Variants in TNRC18 observed in about 807,000 individuals in gnomAD.
The protein encoded by TNRC18 is trinucleotide repeat containing 18.
TNRC18 carries 69 observed loss-of-function variants against 226.7 expected under a neutral mutation model. That is an observed-to-expected ratio of 0.30 (90% CI 0.25 to 0.37). The LOEUF (loss-of-function observed/expected upper bound fraction) is 0.37, where lower values mean the gene tolerates loss of function less well. Ranked by LOEUF, TNRC18 falls within the 10% of genes least tolerant of loss-of-function variation. The pLI, the probability that TNRC18 is intolerant of heterozygous loss-of-function variation, is 1.00. For missense variants in TNRC18, 4,754 were observed against 4,256.6 expected (o/e 1.12, Z -3.25); for synonymous variants, 2,449 against 1,927.6 (o/e 1.27, Z -7.09).
chr7:5,353,154 T>C (rs1409151970), intron 16 of TNRC18, among the ~76,000 whole-genome samples: 1 of 152,180 alleles, frequency 6.6e-6, no homozygotes, highest in Non-Finnish European at 1.5e-5. Flanking sequence ...AAGTGCGCTC[T>C]CTCTTGTATG....
intron 18 of TNRC18, among the ~76,000 whole-genome samples, chr7:5,339,860 A>G (rs1790514459): frequency 1.3e-5 from 2 of 151,310 alleles, no homozygotes; most frequent in Non-Finnish European, 2.9e-5. Context: ...ATGAGCCACC[A>G]CACCCGGCTG....
In TNRC18 at chr7:5,377,239, G is replaced by A. The variant is rs929353503; in HGVS notation, c.2461+132C>T. The A allele has an allele frequency of 3.6e-5, 41 of 1,141,262 alleles. No homozygotes were observed. The highest frequency in any genetic ancestry group is 2.7e-4 in the African/African-American group (17 of 63,528). 70.7% of individuals were successfully genotyped at this position (1,141,262 alleles called of 1,614,324 possible). On this transcript the variant is annotated intron_variant, in intron 7 of 29. Coordinates refer to ENST00000430969, the MANE Select transcript of TNRC18 (RefSeq NM_001080495.3). The surrounding 1 kb of genome is among the most constrained non-coding windows in gnomAD (Gnocchi z 5.8). ...AGAGGCCATTATCATTCCTTCTTCC[G>A]ACGAATGCGGGAGGCAGGCCCAGGC...
chr7:5,391,398 A>G (rs1031430646), intron 3 of TNRC18, among the ~76,000 whole-genome samples: 2 of 150,028 alleles, frequency 1.3e-5, no homozygotes, highest in Non-Finnish European at 3.0e-5. Context: ...TGCAACCTCC[A>G]CCTCCTTAGT....
rs774293149 is a variant in TNRC18, at chr7:5,371,351, C to A, written c.3243G>T (p.Arg1081Ser). ...GCGGTGGCAGGGCTTGGAACGGGTA[C>A]CTGGGCGGGATATCTGCCAAGGACA... Reference protein sequence around the residue: ...FQALFSDIPPRYPFQALPPHY... With the variant: ...FQALFSDIPPSYPFQALPPHY... The change falls in exon 11 of 30, where the codon AGG becomes AGT. Residue 1081 changes from arginine (R) to serine (S), a missense_variant. Physicochemically the swap from Arg to Ser is moderately radical, Grantham distance 110. Transcript: ENST00000430969. 2 of 1,511,144 alleles carry A rather than the reference C, an allele frequency of 1.3e-6. No individual in the cohort carries two copies. Among genetic ancestry groups the A allele is most frequent in the Non-Finnish European group, 1.8e-6 (2 of 1,135,868 alleles). 93.6% of individuals were successfully genotyped at this position (1,511,144 alleles called of 1,614,324 possible). A position where few individuals can be genotyped will look rare whatever the true frequency, so the allele number is the denominator to read the frequency against.
intron 17 of TNRC18, among the ~76,000 whole-genome samples, chr7:5,351,227 G>C (rs995663514): frequency 6.6e-6 from 1 of 151,634 alleles, no homozygotes; most frequent in Non-Finnish European, 1.5e-5. Context: ...GAAACAAAAT[G>C]AGAGGGAAGC....
Position 5,307,598 on chromosome 7 carries a change from CAGGT to C in TNRC18, c.*504_*507del, listed in dbSNP as rs769846040. 32 of 445,736 alleles carry C rather than the reference CAGGT, an allele frequency of 7.2e-5. No homozygotes were observed. The highest frequency in any genetic ancestry group is 3.4e-4 in the African/African-American group (17 of 49,750). 27.6% of individuals were successfully genotyped at this position (445,736 alleles called of 1,614,324 possible). ...GTGGGGGCAGGGCCCCTGGCACAGTCAGGTAGGCCAGCTGGCATCGGGCTGCCCT... is the reference window on the plus strand; with the variant it reads ...GTGGGGGCAGGGCCCCTGGCACAGTCAGGCCAGCTGGCATCGGGCTGCCCT... On this transcript the variant is annotated 3_prime_UTR_variant, in exon 30 of 30. Transcript: ENST00000430969.
chr7:5,337,421 T>C (rs1790230420), intron 18 of TNRC18, among the ~76,000 whole-genome samples: 1 of 149,290 alleles, frequency 6.7e-6, no homozygotes, highest in Admixed American at 6.7e-5. Context: ...AAGGCGGAGG[T>C]TGCAGTAAGT....
chr7:5,376,417 C>T (rs1794684824), intron 8 of TNRC18, among the ~76,000 whole-genome samples, 193 bp from the exon 9 acceptor site: 1 of 152,176 alleles, frequency 6.6e-6, no homozygotes, highest in East Asian at 1.9e-4. Context: ...GCACCCCAGG[C>T]CCGGGGAACA....
At chr7:5,397,971 A>T (rs1780810656) in intron 2 of TNRC18, among the ~76,000 whole-genome samples, 1 of 151,878 alleles carries the variant, frequency 6.6e-6, no homozygotes, top group South Asian at 2.1e-4. Flanking sequence ...ACATACTTCT[A>T]TTTGGGATTA....
At chr7:5,345,522 TCCCACCCAC>T in intron 18 of TNRC18, 31 bp downstream of exon 18, 1 of 170,134 alleles carries the variant, frequency 5.9e-6, no homozygotes, top group Non-Finnish European at 1.1e-5. Flanking sequence ...CGTCCGCCCC[TCCCACCCAC>T]CCCCACCGCA....
At chr7:5,339,229 C>CTTTTTTTTTT (rs199794938) in intron 18 of TNRC18, among the ~76,000 whole-genome samples, 32 of 142,514 alleles carry the variant, frequency 2.2e-4, no homozygotes, top group South Asian at 2.2e-4. Flanking sequence ...CTTTTTTTTT[C>CTTTTTTTTTT]TTTTTTTTTT....
intron 2 of TNRC18, among the ~76,000 whole-genome samples, chr7:5,417,380 G>A (rs948825897): frequency 1.3e-5 from 2 of 151,116 alleles, no homozygotes; most frequent in Non-Finnish European, 2.9e-5. Flanking sequence ...TGAGGTAGGA[G>A]GATGGACTCA....
At chr7:5,396,589 C>T (rs1055320526) in intron 2 of TNRC18, among the ~76,000 whole-genome samples, 4 of 152,160 alleles carry the variant, frequency 2.6e-5, no homozygotes, top group African/African-American at 9.7e-5. Context: ...TGGAATGCAC[C>T]AGGCACCGTG....
At chr7:5,333,265 A>C (rs766182563) in intron 18 of TNRC18, among the ~76,000 whole-genome samples, 19 of 152,212 alleles carry the variant, frequency 1.2e-4, no homozygotes, top group Admixed American at 2.6e-4. Context: ...GGCTGCCCGG[A>C]CGCTGCTCCC....
intron 19 of TNRC18, among the ~76,000 whole-genome samples, chr7:5,327,058 C>T (rs1385137528): frequency 1.3e-5 from 2 of 151,034 alleles, no homozygotes; most frequent in Admixed American, 6.6e-5. Context: ...AGGAGACGGA[C>T]GTTACAGTGA....
rs559402985 is a variant in TNRC18 at position 5,316,700 on chromosome 7, T to C, written c.6746-628A>G. On this transcript the variant is annotated intron_variant, in intron 24 of 29. Transcript: ENST00000430969. Reference sequence around the variant, plus strand: ...AAAGGAGGGACGCAGGTGTCAACCCTGAAGGACACAAAGAATGGGAAAGGG... The same window carrying C: ...AAAGGAGGGACGCAGGTGTCAACCCCGAAGGACACAAAGAATGGGAAAGGG... Among the ~76,000 whole-genome samples the C allele has an allele frequency of 2.1e-3, 320 of 152,182 alleles. 2 individuals carry two copies. Among genetic ancestry groups the C allele is most frequent in the African/African-American group, 7.5e-3 (312 of 41,506 alleles).
At chr7:5,404,722 T>G (rs1005259010) in intron 2 of TNRC18, among the ~76,000 whole-genome samples, 5 of 151,730 alleles carry the variant, frequency 3.3e-5, no homozygotes, top group African/African-American at 9.7e-5. Context: ...AGATTCCATA[T>G]GCAATCCCCA....
intron 11 of TNRC18, among the ~76,000 whole-genome samples, chr7:5,366,071 C>T: frequency 6.6e-6 from 1 of 152,094 alleles, no homozygotes; most frequent in Non-Finnish European, 1.5e-5. Context: ...ACAGACATGA[C>T]TAATGATGCT....
chr7:5,364,462 AAC>A (rs58752853), intron 11 of TNRC18, among the ~76,000 whole-genome samples: 9,711 of 116,126 alleles, frequency 0.084, 342 homozygotes, highest in East Asian at 0.12. Context: ...TCTCAAAGAA[AAC>A]ACACACACAC....
Sources: allele counts gnomAD v4.1 joint callset (sites outside exome capture counted in the v4.1 genomes callset), GRCh38; gene constraint gnomAD v4.1.1; non-coding constraint Gnocchi (gnomAD v3.1); transcripts MANE v1.5; gene names NCBI Gene and HGNC (gene_info 2026-07-23, HGNC 2026-07-21).